Variants in C12orf42 observed in about 807,000 individuals in gnomAD.
C12orf42 encodes uncharacterized protein C12orf42.
C12orf42 carries 25 observed loss-of-function variants against 21.6 expected under a neutral mutation model. The observed-to-expected ratio is 1.16, with a 90% CI of 0.84 to 1.62. The LOEUF (loss-of-function observed/expected upper bound fraction) is 1.62, where lower values mean the gene tolerates loss of function less well. Ranked by LOEUF, C12orf42 falls within the 40% of genes most tolerant of loss-of-function variation. C12orf42 has a pLI of 0.00. For missense variants in C12orf42, 483 were observed against 459.3 expected, an observed-to-expected ratio of 1.05 and a Z score of -0.47; for synonymous variants, 174 against 175.0, an observed-to-expected ratio of 0.99 and a Z score of 0.05.
the C12orf42 span, among the ~76,000 whole-genome samples, chr12:103,228,120 G>C: frequency 6.6e-6 from 1 of 152,186 alleles, no homozygotes; most frequent in Non-Finnish European, 1.5e-5. Context: ...GTGCGTCCGT[G>C]TGAAGAGACC....
At chr12:103,294,579 GGAAGGAAAGAAAGAAA>G (rs1485460695) in intron 4 of C12orf42, among the ~76,000 whole-genome samples, 10 of 64,910 alleles carry the variant, frequency 1.5e-4, no homozygotes, top group African/African-American at 5.4e-4. Flanking sequence ...AAGGAAGGAA[GGAAGGAAAGAAAGAAA>G]GAAAGAAAGA....
rs1455354809 is a variant in C12orf42, at chr12:103,374,848, A to G, written c.148-5850T>C. ...CAAGCAGGTTGGACAAGCTTTCTCT[A>G]GATAAAACTGACCAGTTCTGATAAA... is the stretch of plus-strand genomic sequence containing the variant. On this transcript the variant is annotated intron_variant, in intron 3 of 5. Coordinates refer to ENST00000548883, the MANE Select transcript of C12orf42 (RefSeq NM_198521.5). Among the ~76,000 whole-genome samples the G allele has an allele frequency of 3.9e-5, 6 of 152,200 alleles. No individual in the cohort carries two copies. The East Asian group carries it at 9.6e-4, about 24-fold the overall frequency.
At chr12:103,157,625 C>T in the C12orf42 span, among the ~76,000 whole-genome samples, 2 of 152,136 alleles carry the variant, frequency 1.3e-5, no homozygotes, top group South Asian at 4.2e-4. Flanking sequence ...GTCTTTAATC[C>T]ATCTTGAGTT....
At chr12:103,318,909 A>T (rs2039806098) in intron 4 of C12orf42, among the ~76,000 whole-genome samples, 1 of 152,226 alleles carries the variant, frequency 6.6e-6, no homozygotes, top group Non-Finnish European at 1.5e-5. Context: ...TTTTGCATGC[A>T]ATTAAGTACT....
the C12orf42 span, among the ~76,000 whole-genome samples, chr12:103,556,686 T>C: frequency 2.6e-5 from 4 of 152,162 alleles, no homozygotes; most frequent in Non-Finnish European, 4.4e-5. Context: ...TCTGTATGGG[T>C]TGAATGGCAT....
chr12:103,153,491 A>C, the C12orf42 span, among the ~76,000 whole-genome samples: 1 of 152,292 alleles, frequency 6.6e-6, no homozygotes, highest in Non-Finnish European at 1.5e-5. Flanking sequence ...AAAAATAGGC[A>C]TTCCCAATAG....
In C12orf42 at chr12:103,495,784, T is replaced by G. The variant is rs1362972184; in HGVS notation, c.-22+118A>C. 2.6e-5 allele frequency: 4 copies of G among 152,180 alleles called. No individual in the cohort carries two copies. The East Asian group carries it at 7.9e-4, about 30-fold the overall frequency. 9.4% of individuals were successfully genotyped at this position (152,180 alleles called of 1,614,324 possible). ...CCGCTTGCCTCCGCTCCTTGGCCTT[T>G]GCTGCCGTGCTGCCTCTTCTCACGG... On this transcript the variant is annotated intron_variant, in intron 1 of 5. Transcript: ENST00000548883.
chr12:103,146,612 A>AAAGAAAGAAAGAAAG, the C12orf42 span, among the ~76,000 whole-genome samples: 23 of 116,860 alleles, frequency 2.0e-4, 1 homozygote, highest in Admixed American at 4.8e-4. Flanking sequence ...AAGAAAGAAA[A>AAAGAAAGAAAGAAAG]AGAAAAGTAA....
the C12orf42 span, among the ~76,000 whole-genome samples, chr12:103,190,028 T>C: frequency 7.2e-5 from 11 of 152,122 alleles, no homozygotes; most frequent in South Asian, 1.2e-3. Flanking sequence ...TTTGGGAGAA[T>C]TGGCTCACAC....
the C12orf42 span, chr12:103,159,692 A>C: frequency 6.6e-6 from 1 of 152,068 alleles, no homozygotes; most frequent in Non-Finnish European, 1.5e-5. Context: ...TTTCCCCTTC[A>C]ATACTCAGGT....
chr12:103,451,224 T>C (rs924422013), intron 2 of C12orf42, among the ~76,000 whole-genome samples: 3 of 151,988 alleles, frequency 2.0e-5, no homozygotes, highest in African/African-American at 7.3e-5. Flanking sequence ...TCATTTTATT[T>C]ATTTATTTGT....
chr12:103,206,008 T>C, the C12orf42 span, among the ~76,000 whole-genome samples: 2 of 152,230 alleles, frequency 1.3e-5, no homozygotes, highest in Non-Finnish European at 2.9e-5. Flanking sequence ...GAGAATATTC[T>C]CTGCTGATGG....
downstream of C12orf42, among the ~76,000 whole-genome samples, chr12:103,299,026 A>G (rs1049126084): frequency 1.3e-5 from 2 of 152,190 alleles, no homozygotes; most frequent in African/African-American, 4.8e-5. Context: ...TAGAGGCTCT[A>G]TTCTCACCTC....
the C12orf42 span, among the ~76,000 whole-genome samples, chr12:103,146,021 A>G: frequency 6.6e-6 from 1 of 152,122 alleles, no homozygotes; most frequent in South Asian, 2.1e-4. Context: ...ATACATCAAA[A>G]TGCTAATGCT....
intron 4 of C12orf42, among the ~76,000 whole-genome samples, chr12:103,286,046 G>C (rs1593286776): frequency 1.3e-5 from 2 of 152,002 alleles, no homozygotes; most frequent in African/African-American, 4.8e-5. Flanking sequence ...CAGGAGATCG[G>C]GACCATTCTT....
At chr12:103,522,998 A>C in the C12orf42 span, among the ~76,000 whole-genome samples, 253 of 152,352 alleles carry the variant, frequency 1.7e-3, 14 homozygotes, top group South Asian at 0.051. Context: ...GTAAGCACAA[A>C]CCTAGAAGTC....
At chr12:103,126,258 G>A in the C12orf42 span, among the ~76,000 whole-genome samples, 1 of 152,160 alleles carries the variant, frequency 6.6e-6, no homozygotes, top group Non-Finnish European at 1.5e-5. Flanking sequence ...TTGTTTTATT[G>A]AAAGCAGAAA....
the C12orf42 span, among the ~76,000 whole-genome samples, chr12:103,502,211 C>T: frequency 1.8e-4 from 27 of 152,182 alleles, no homozygotes; most frequent in Admixed American, 1.8e-3. Flanking sequence ...ACACTCCACC[C>T]TCCACCCCCT....
At chr12:103,540,758 A>T in the C12orf42 span, among the ~76,000 whole-genome samples, 1 of 152,154 alleles carries the variant, frequency 6.6e-6, no homozygotes, top group Non-Finnish European at 1.5e-5. Flanking sequence ...CAACTGGAAC[A>T]TTTACCACTT....
Sources: gnomAD v4.1 joint callset for allele counts (sites outside exome capture counted in the v4.1 genomes callset) on GRCh38, gnomAD v4.1.1 for gene constraint, MANE v1.5 for transcripts, NCBI Gene and HGNC (gene_info 2026-07-23, HGNC 2026-07-21) for gene names.